The following SLC25A23 variants were observed in gnomAD, a reference collection of about 807,000 sequenced individuals.
The protein encoded by SLC25A23 is mitochondrial adenyl nucleotide antiporter SLC25A23.
In SLC25A23, 32 loss-of-function variants were observed where a neutral mutation model predicts 53.9. The ratio of observed to expected loss-of-function variants is 0.59; its 90% confidence interval spans 0.45 to 0.80. The LOEUF (loss-of-function observed/expected upper bound fraction) is 0.80, where lower values mean the gene tolerates loss of function less well. Among genes scored for constraint, SLC25A23 ranks in the 30% least tolerant of loss-of-function variants. The probability of loss-of-function intolerance (pLI) is 0.00; values close to 1 mark genes in which losing one functional copy is unlikely to be tolerated. For synonymous variants in SLC25A23, 275 were observed against 264.5 expected (o/e 1.04, Z -0.38); for missense variants, 575 against 651.4 (o/e 0.88, Z 1.28).
Position 6,441,626 on chromosome 19 carries a change from G to C in SLC25A23, c.*349C>G, listed in dbSNP as rs1648098961. On this transcript the variant is annotated 3_prime_UTR_variant, in exon 10 of 10. Coordinates refer to ENST00000301454, the MANE Select transcript of SLC25A23 (RefSeq NM_024103.3). ...GGGGCTGCAGGATCCAGTGATTTGG[G>C]GGATGGGGATTAAGGGCTGGGGTGT... 1 of 304,358 alleles carries C rather than the reference G, an allele frequency of 3.3e-6. No homozygotes were observed. Among genetic ancestry groups the C allele is most frequent in the African/African-American group, 2.2e-5 (1 of 45,282 alleles). 18.9% of individuals were successfully genotyped at this position (304,358 alleles called of 1,614,324 possible). A position where few individuals can be genotyped will look rare whatever the true frequency, so the allele number is the denominator to read the frequency against.
chr19:6,456,012 C>T, intron 4 of SLC25A23: 1 of 1,298,050 alleles, frequency 7.7e-7, no homozygotes, highest in South Asian at 1.2e-5. Context: ...AGCCACTGCG[C>T]CTGGCCAAGA....
downstream of SLC25A23, among the ~76,000 whole-genome samples, chr19:6,439,399 TCACACA>T (rs57370920): frequency 1.0e-4 from 13 of 124,112 alleles, 1 homozygote; most frequent in South Asian, 1.3e-3. Context: ...TCTCTCTCTC[TCACACA>T]CACACACACA....
intron 8 of SLC25A23, among the ~76,000 whole-genome samples, chr19:6,449,255 CTTTTT>C (rs57753988): frequency 7.2e-6 from 1 of 138,188 alleles, no homozygotes; most frequent in Admixed American, 7.3e-5. Context: ...TTCTTTCTTT[CTTTTT>C]TTTTTTTTTT....
chr19:6,452,298 C>T lies in SLC25A23; in HGVS notation c.1071+14G>A, dbSNP rs561972759. ...AGAGGGGAGCAGGGAAAGAGGAACG[C>T]GCTGCCCACAGACCTCGTAGACGGC... On this transcript the variant is annotated intron_variant, in intron 8 of 9. Coordinates refer to ENST00000301454, the MANE Select transcript of SLC25A23 (RefSeq NM_024103.3). The T allele has an allele frequency of 1.8e-4, 291 of 1,601,330 alleles. No individual in the cohort carries two copies. The highest frequency in any genetic ancestry group is 3.4e-4 in the Middle Eastern group (2 of 5,838).
At chr19:6,442,259 AG>A in intron 9 of SLC25A23, 100 bp from the exon 10 acceptor site, 2 of 777,768 alleles carry the variant, frequency 2.6e-6, no homozygotes, top group South Asian at 1.8e-5. Context: ...TTGCAGCAGG[AG>A]GGAAGGAGGT....
chr19:6,442,159 GC>G lies in SLC25A23; in HGVS notation c.1223-1del. On this transcript the variant is annotated splice_acceptor_variant, in intron 9 of 9. Coordinates refer to ENST00000301454, the MANE Select transcript of SLC25A23 (RefSeq NM_024103.3). LOFTEE classifies it high-confidence loss of function. ...CAGCTGGGGGCCACCCTCGATGGAG[GC>G]TGGGAGGGGGCGGGGGGGGCACCAG... The G allele has an allele frequency of 6.5e-7, 1 of 1,530,356 alleles. No homozygotes were observed. Among genetic ancestry groups the G allele is most frequent in the Non-Finnish European group, 8.8e-7 (1 of 1,136,806 alleles). 94.8% of individuals were successfully genotyped at this position (1,530,356 alleles called of 1,614,324 possible). A position where few individuals can be genotyped will look rare whatever the true frequency, so the allele number is the denominator to read the frequency against.
downstream of SLC25A23, among the ~76,000 whole-genome samples, chr19:6,438,995 C>T (rs542545551): frequency 1.3e-5 from 2 of 152,056 alleles, no homozygotes; most frequent in Non-Finnish European, 2.9e-5. Flanking sequence ...GAGCCGAGAT[C>T]GTGTCACTGC....
At chr19:6,457,690 C>T in intron 2 of SLC25A23, 100 bp from the exon 3 acceptor site, 1 of 1,036,222 alleles carries the variant, frequency 9.7e-7, no homozygotes. Flanking sequence ...GGTGGTCTAG[C>T]AAGATCAGGG....
rs144697101 is a variant in SLC25A23 at position 6,446,278 on chromosome 19, G to A, written c.1072-1977C>T. On this transcript the variant is annotated intron_variant, in intron 8 of 9. Transcript: ENST00000301454. ...CTCAGGAAGCTGAGGCAGGAGAATC[G>A]CCTGAACCGGGGAGGCGGAGGTTGC... Among the ~76,000 whole-genome samples the A allele has an allele frequency of 8.1e-3, 1,226 of 152,112 alleles. 17 individuals carry two copies. Among genetic ancestry groups the A allele is most frequent in the African/African-American group, 0.027 (1,109 of 41,488 alleles).
At chr19:6,458,729 T>C (rs1341947751) in intron 1 of SLC25A23, among the ~76,000 whole-genome samples, 3 of 152,192 alleles carry the variant, frequency 2.0e-5, no homozygotes, top group South Asian at 4.2e-4. Flanking sequence ...CCTGTCCACA[T>C]GGGGGACCCA....
At chr19:6,451,944 G>A (rs1428110752) in intron 8 of SLC25A23, among the ~76,000 whole-genome samples, 2 of 149,070 alleles carry the variant, frequency 1.3e-5, no homozygotes, top group Admixed American at 6.7e-5. Context: ...TGCAACCTCC[G>A]CCTCCCAGGC....
chr19:6,437,504 G>A (rs1441372308), downstream of SLC25A23, among the ~76,000 whole-genome samples: 2 of 152,090 alleles, frequency 1.3e-5, no homozygotes, highest in African/African-American at 2.4e-5. Flanking sequence ...TCCGATGACT[G>A]CTGTCCTTAC....
At chr19:6,444,942 C>T (rs1047830055) in intron 8 of SLC25A23, among the ~76,000 whole-genome samples, 3 of 152,032 alleles carry the variant, frequency 2.0e-5, no homozygotes, top group African/African-American at 4.8e-5. Context: ...GCTGGGATTA[C>T]AGGAATGAGC....
intron 9 of SLC25A23, 129 bp downstream of exon 9, chr19:6,444,022 A>C: frequency 9.9e-7 from 1 of 1,014,084 alleles, no homozygotes; most frequent in Non-Finnish European, 1.4e-6. Flanking sequence ...CAATGTCACA[A>C]ATGGGGAAAC....
chr19:6,457,969 G>T (rs1184461390), intron 2 of SLC25A23, among the ~76,000 whole-genome samples: 1 of 152,108 alleles, frequency 6.6e-6, no homozygotes. Context: ...AAATCTAAGG[G>T]TAATTATCGG....
intron 4 of SLC25A23, 51 bp downstream of exon 4, chr19:6,456,369 C>T: frequency 6.4e-7 from 1 of 1,568,970 alleles, no homozygotes; most frequent in Non-Finnish European, 8.8e-7. Flanking sequence ...GCAAGGCCCC[C>T]CTGGGGAAGA....
intron 4 of SLC25A23, among the ~76,000 whole-genome samples, chr19:6,455,009 C>G (rs1250049409): frequency 6.6e-6 from 1 of 152,190 alleles, no homozygotes; most frequent in African/African-American, 2.4e-5. Context: ...TCCCTCCAGG[C>G]TAGATGTGAT....
rs1398195590 is a variant in SLC25A23 at position 6,452,353 on chromosome 19, C to A, written c.1030G>T (p.Gly344Cys). Residue 344 changes from glycine (G) to cysteine (C), a missense_variant, in exon 8 of 10, where the codon GGC becomes TGC. Physicochemically the swap from Gly to Cys is radical, Grantham distance 159. Coordinates refer to ENST00000301454, the MANE Select transcript of SLC25A23 (RefSeq NM_024103.3). ...TCGATGCCCGCATAGGGGATGATGC[C>A]CAGCACGTTGGGGAGGTAGCCGCGG... ...FYRGYLPNVL[G>C]IIPYAGIDLA... 3 of 1,613,518 alleles carry A rather than the reference C, an allele frequency of 1.9e-6. No homozygotes were observed. The highest frequency in any genetic ancestry group is 2.5e-6 in the Non-Finnish European group (3 of 1,179,870).
At chr19:6,455,707 GTTTTTTT>G (rs529957147) in intron 4 of SLC25A23, among the ~76,000 whole-genome samples, 4 of 124,968 alleles carry the variant, frequency 3.2e-5, no homozygotes, top group Admixed American at 1.8e-4. Flanking sequence ...TGAAGACCGT[GTTTTTTT>G]TTTTTTTTTT....
Sources: gnomAD v4.1 joint callset for allele counts (sites outside exome capture counted in the v4.1 genomes callset) on GRCh38, gnomAD v4.1.1 for gene constraint, MANE v1.5 for transcripts, NCBI Gene and HGNC (gene_info 2026-07-23, HGNC 2026-07-21) for gene names.